Variants in XRCC4 observed in about 807,000 individuals in gnomAD.
XRCC4 encodes DNA repair protein XRCC4.
In XRCC4, 28 loss-of-function variants were observed where a neutral mutation model predicts 39.1. The ratio of observed to expected loss-of-function variants is 0.72; its 90% CI spans 0.53 to 0.98. The LOEUF is 0.98. XRCC4 is among the 50% of genes least tolerant of loss of function. The pLI is 0.00. For synonymous variants in XRCC4, 123 were observed against 126.4 expected, an observed-to-expected ratio of 0.97 and a Z score of 0.18; for missense variants, 350 against 376.4, an observed-to-expected ratio of 0.93 and a Z score of 0.58.
At chr5:83,323,322 A>G (rs143912052) in intron 7 of XRCC4, among the ~76,000 whole-genome samples, 1 of 152,254 alleles carries the variant, frequency 6.6e-6, no homozygotes, top group African/African-American at 2.4e-5. Context: ...TATGGCTGTA[A>G]AGTATCCTTG....
chr5:83,368,728 A>G, the XRCC4 span, among the ~76,000 whole-genome samples: 1 of 152,176 alleles, frequency 6.6e-6, no homozygotes, highest in African/African-American at 2.4e-5. Context: ...TCATTTGCAG[A>G]AAGGATTTCA....
At chr5:83,342,228 G>A (rs1275642878) in intron 7 of XRCC4, among the ~76,000 whole-genome samples, 1 of 152,142 alleles carries the variant, frequency 6.6e-6, no homozygotes, top group African/African-American at 2.4e-5. Flanking sequence ...AAAATCTTTA[G>A]TCATTATGAA....
At chr5:83,205,905 G>A (rs998487433) in intron 6 of XRCC4, among the ~76,000 whole-genome samples, 2 of 152,048 alleles carry the variant, frequency 1.3e-5, no homozygotes, top group African/African-American at 4.8e-5. Context: ...GGAAGACCAT[G>A]CCAAACAGAA....
At chr5:83,224,367 C>A (rs1263527866) in intron 6 of XRCC4, among the ~76,000 whole-genome samples, 1 of 152,048 alleles carries the variant, frequency 6.6e-6, no homozygotes, top group Non-Finnish European at 1.5e-5. Flanking sequence ...CTGGTAGCAG[C>A]TTAATTTTGA....
At chr5:83,201,327 C>A (rs1369636274) in intron 4 of XRCC4, 1 of 152,254 alleles carries the variant, frequency 6.6e-6, no homozygotes, top group Non-Finnish European at 1.5e-5. Context: ...CAAGGAAGAG[C>A]CACAGACATG....
intron 7 of XRCC4, among the ~76,000 whole-genome samples, chr5:83,292,988 A>G (rs1290926569): frequency 6.6e-6 from 1 of 151,988 alleles, no homozygotes; most frequent in Non-Finnish European, 1.5e-5. Context: ...ATTGTCATAA[A>G]CAATAGAAAT....
intron 7 of XRCC4, among the ~76,000 whole-genome samples, chr5:83,302,282 G>A (rs77765042): frequency 0.022 from 3,334 of 151,988 alleles, 76 homozygotes; most frequent in Middle Eastern, 0.12. Context: ...ATAGCTTGGT[G>A]TCTGCTCACA....
At chr5:83,114,901 GA>G (rs1746635095) in intron 3 of XRCC4, among the ~76,000 whole-genome samples, 2 of 151,664 alleles carry the variant, frequency 1.3e-5, no homozygotes, top group African/African-American at 4.9e-5. Context: ...AGGTTTAAAT[GA>G]TTCACAGTTC....
At chr5:83,152,769 G>A (rs1748775753) in intron 3 of XRCC4, among the ~76,000 whole-genome samples, 1 of 151,962 alleles carries the variant, frequency 6.6e-6, no homozygotes, top group South Asian at 2.1e-4. Flanking sequence ...TTCATATGCA[G>A]CTACAGAAGT....
chr5:83,205,980 C>G (rs1751405614), intron 6 of XRCC4, among the ~76,000 whole-genome samples: 1 of 151,992 alleles, frequency 6.6e-6, no homozygotes. Context: ...TTAAGCAATA[C>G]TATAGAGTGT....
intron 3 of XRCC4, among the ~76,000 whole-genome samples, chr5:83,149,424 T>A (rs949549891): frequency 6.6e-6 from 1 of 152,180 alleles, no homozygotes; most frequent in Admixed American, 6.5e-5. Context: ...TATACTTTTG[T>A]AATATGCTAT....
intron 3 of XRCC4, among the ~76,000 whole-genome samples, chr5:83,130,846 T>C (rs1427942626): frequency 1.3e-5 from 2 of 152,202 alleles, no homozygotes; most frequent in African/African-American, 4.8e-5. Flanking sequence ...TGCATCTATT[T>C]GATTCTTCTC....
At chr5:83,205,221 C>G (rs908271942) in intron 6 of XRCC4, among the ~76,000 whole-genome samples, 2 of 152,060 alleles carry the variant, frequency 1.3e-5, no homozygotes, top group African/African-American at 2.4e-5. Flanking sequence ...CACCTTTATG[C>G]TAAATATCAT....
chr5:83,277,959 A>C (rs1484448233), intron 7 of XRCC4, among the ~76,000 whole-genome samples: 1 of 152,250 alleles, frequency 6.6e-6, no homozygotes, highest in African/African-American at 2.4e-5. Context: ...TAATAAAAGC[A>C]TTTAATATTT....
chr5:83,329,728 T>C (rs891925499), intron 7 of XRCC4, among the ~76,000 whole-genome samples: 3 of 152,124 alleles, frequency 2.0e-5, no homozygotes, highest in African/African-American at 7.2e-5. Context: ...AATCAAAGCA[T>C]GAGGAAATCT....
chr5:83,301,421 G>T (rs1024957345), intron 7 of XRCC4, among the ~76,000 whole-genome samples: 5 of 151,928 alleles, frequency 3.3e-5, no homozygotes, highest in Admixed American at 6.6e-5. Flanking sequence ...TTTTTGATGG[G>T]GTTGTTTTTT....
intron 6 of XRCC4, among the ~76,000 whole-genome samples, chr5:83,217,618 G>C (rs1247407970): frequency 2.0e-5 from 3 of 152,224 alleles, no homozygotes; most frequent in South Asian, 4.1e-4. Flanking sequence ...CTGAACCTCA[G>C]CACAAGGATG....
At chr5:83,113,816 CG>C (rs1561335197) in intron 3 of XRCC4, among the ~76,000 whole-genome samples, 1 of 152,004 alleles carries the variant, frequency 6.6e-6, no homozygotes, top group East Asian at 1.9e-4. Flanking sequence ...TTAGTAGAGA[CG>C]GGGTTTCACC....
In XRCC4 at chr5:83,105,076, G is replaced by C. The variant is rs761781700; in HGVS notation, c.139+18G>C. 13 of 1,590,958 alleles carry C rather than the reference G, an allele frequency of 8.2e-6. No individual in the cohort carries two copies. In the Admixed American group the frequency reaches 1.8e-4, roughly 22 times the overall value. ...TGGGACAGGTAATACTAAAAACAAA[G>C]TTTTTATAAGTAAAATTTAAGTGTG... On this transcript the variant is annotated intron_variant, in intron 2 of 7. Transcript: ENST00000396027.
Sources: allele counts gnomAD v4.1 joint callset (sites outside exome capture counted in the v4.1 genomes callset), GRCh38; gene constraint gnomAD v4.1.1; transcripts MANE v1.5; gene names NCBI Gene and HGNC (gene_info 2026-07-23, HGNC 2026-07-21).